The following ERBB4 variants were observed in gnomAD, a reference collection of about 807,000 sequenced individuals.
ERBB4 encodes the protein receptor tyrosine-protein kinase erbB-4.
A neutral mutation model predicts 158.0 loss-of-function variants in ERBB4; 42 were observed. The observed-to-expected ratio is 0.27, with a 90% CI of 0.21 to 0.34. The LOEUF (loss-of-function observed/expected upper bound fraction) is 0.34. ERBB4 is among the 10% of genes least tolerant of loss of function. The pLI, the probability that ERBB4 is intolerant of heterozygous loss-of-function variation, is 1.00. For synonymous variants in ERBB4, 583 were observed against 558.7 expected (o/e 1.04, Z -0.61); for missense variants, 1,333 against 1,624.1 (o/e 0.82, Z 3.08).
intron 1 of ERBB4, among the ~76,000 whole-genome samples, chr2:212,500,449 C>T (rs78738279): frequency 0.012 from 1,894 of 152,044 alleles, 42 homozygotes; most frequent in African/African-American, 0.043. Context: ...AATTAGCCAC[C>T]GTAAAATATT....
chr2:212,473,396 C>T (rs904534535), intron 1 of ERBB4, among the ~76,000 whole-genome samples: 16 of 152,024 alleles, frequency 1.1e-4, no homozygotes, highest in African/African-American at 2.9e-4. Flanking sequence ...CATAATACAT[C>T]CCTAACTGCA....
chr2:212,461,284 C>G (rs1013496827), intron 1 of ERBB4, among the ~76,000 whole-genome samples: 2 of 152,120 alleles, frequency 1.3e-5, no homozygotes, highest in Non-Finnish European at 2.9e-5. Context: ...GTGAAAGCAG[C>G]CAGGAAGGAG....
chr2:211,952,302 T>C (rs911444698), intron 2 of ERBB4, among the ~76,000 whole-genome samples: 9 of 151,988 alleles, frequency 5.9e-5, no homozygotes, highest in South Asian at 2.1e-4. Flanking sequence ...TAAAAACAAT[T>C]ACAGGAAACA....
At chr2:212,292,200 G>T (rs1048293593) in intron 1 of ERBB4, among the ~76,000 whole-genome samples, 23 of 151,676 alleles carry the variant, frequency 1.5e-4, no homozygotes, top group Admixed American at 1.5e-3. Flanking sequence ...AAATGCCTCT[G>T]GCATAAAGAT....
chr2:211,453,572 T>C (rs527382017), intron 20 of ERBB4, among the ~76,000 whole-genome samples: 12 of 152,296 alleles, frequency 7.9e-5, no homozygotes, highest in African/African-American at 2.9e-4. Context: ...ACTAGACATA[T>C]TTTCAAATGA....
intron 20 of ERBB4, among the ~76,000 whole-genome samples, chr2:211,516,527 A>C (rs898761734): frequency 6.6e-6 from 1 of 151,204 alleles, no homozygotes; most frequent in African/African-American, 2.4e-5. Flanking sequence ...AGAGACGGGA[A>C]TCTCACCATT....
intron 1 of ERBB4, among the ~76,000 whole-genome samples, chr2:212,251,660 G>C (rs1574522140): frequency 6.6e-6 from 1 of 152,078 alleles, no homozygotes; most frequent in East Asian, 1.9e-4. Context: ...CAGATATCCT[G>C]AGGTAGGGGT....
intron 1 of ERBB4, among the ~76,000 whole-genome samples, chr2:212,267,125 A>G (rs1559883711): frequency 3.3e-5 from 5 of 152,022 alleles, no homozygotes; most frequent in Non-Finnish European, 5.9e-5. Flanking sequence ...AATATTACAC[A>G]CCACCAAATT....
At chr2:211,611,407 A>AGCTTTACTTTAGCTTTC (rs2069190416) in intron 19 of ERBB4, among the ~76,000 whole-genome samples, 1 of 145,618 alleles carries the variant, frequency 6.9e-6, no homozygotes, top group East Asian at 2.1e-4. Flanking sequence ...AAGGTGTGGA[A>AGCTTTACTTTAGCTTTC]GCTTTACTTT....
At chr2:211,869,590 T>A (rs941828793) in intron 3 of ERBB4, among the ~76,000 whole-genome samples, 1 of 152,178 alleles carries the variant, frequency 6.6e-6, no homozygotes, top group African/African-American at 2.4e-5. Flanking sequence ...ACCTAGCCTA[T>A]TTCCTGGCAT....
intron 1 of ERBB4, among the ~76,000 whole-genome samples, chr2:212,482,518 G>A (rs1041356362): frequency 6.6e-6 from 1 of 152,182 alleles, no homozygotes; most frequent in Non-Finnish European, 1.5e-5. Flanking sequence ...AAAAGGTTTA[G>A]TAACACTTTG....
At chr2:211,699,098 G>A (rs1236251722) in intron 12 of ERBB4, among the ~76,000 whole-genome samples, 1 of 152,110 alleles carries the variant, frequency 6.6e-6, no homozygotes, top group Non-Finnish European at 1.5e-5. Flanking sequence ...ATGAAGGATT[G>A]CCTTTTCATT....
At chr2:212,182,541 G>A (rs376812016) in intron 1 of ERBB4, among the ~76,000 whole-genome samples, 1 of 151,740 alleles carries the variant, frequency 6.6e-6, no homozygotes, top group Non-Finnish European at 1.5e-5. Flanking sequence ...CAGGTTTGTA[G>A]GTGAAAAATG....
At chr2:212,133,434 T>G (rs2125589289) in intron 1 of ERBB4, among the ~76,000 whole-genome samples, 1 of 150,390 alleles carries the variant, frequency 6.6e-6, no homozygotes, top group East Asian at 1.9e-4. Flanking sequence ...TTTTTTTTTT[T>G]GCTATGTGAA....
intron 20 of ERBB4, among the ~76,000 whole-genome samples, chr2:211,478,191 A>G (rs1405499448): frequency 6.6e-6 from 1 of 152,184 alleles, no homozygotes; most frequent in East Asian, 1.9e-4. Flanking sequence ...GGTATTAGGA[A>G]CACAGCACTA....
At chr2:212,233,933 A>G (rs993836938) in intron 1 of ERBB4, among the ~76,000 whole-genome samples, 3 of 150,330 alleles carry the variant, frequency 2.0e-5, no homozygotes, top group South Asian at 2.1e-4. Flanking sequence ...GTATTTCTCT[A>G]GATGTTTTTG....
At chr2:212,247,181 A>C (rs907220431) in intron 1 of ERBB4, among the ~76,000 whole-genome samples, 30 of 152,176 alleles carry the variant, frequency 2.0e-4, no homozygotes, top group African/African-American at 6.3e-4. Flanking sequence ...AATTCTGAAG[A>C]GATATGGATG....
At chr2:211,853,543 T>C (rs950521042) in intron 3 of ERBB4, among the ~76,000 whole-genome samples, 2 of 152,052 alleles carry the variant, frequency 1.3e-5, no homozygotes, top group African/African-American at 4.8e-5. Context: ...CTGGAGATCA[T>C]TAGCCTCTTT....
chr2:211,571,460 C>T (rs1444887341), intron 19 of ERBB4, among the ~76,000 whole-genome samples: 5 of 152,120 alleles, frequency 3.3e-5, no homozygotes, highest in South Asian at 2.1e-4. Flanking sequence ...ATTATCTTCA[C>T]GTCCAAAGTA....
Sources: gnomAD v4.1 joint callset for allele counts (sites outside exome capture counted in the v4.1 genomes callset) on GRCh38, gnomAD v4.1.1 for gene constraint, MANE v1.5 for transcripts, NCBI Gene and HGNC (gene_info 2026-07-23, HGNC 2026-07-21) for gene names.